The following ANGPTL4 variants were observed in gnomAD, a reference collection of about 807,000 sequenced individuals.
ANGPTL4 encodes angiopoietin like 4.
Under a neutral mutation model 39.2 loss-of-function variants are expected in ANGPTL4, and 39 were observed. The ratio of observed to expected loss-of-function variants is 1.00; its 90% confidence interval spans 0.77 to 1.30. ANGPTL4 has a LOEUF of 1.30. Among genes scored for constraint, ANGPTL4 ranks in the 50% most tolerant of loss-of-function variants. The pLI, the probability that ANGPTL4 is intolerant of heterozygous loss-of-function variation, is 0.00. For missense variants in ANGPTL4, 545 were observed against 549.8 expected, an observed-to-expected ratio of 0.99 and a Z score of 0.09; for synonymous variants, 233 against 229.5, an observed-to-expected ratio of 1.02 and a Z score of -0.14.
chr19:8,370,511 A>G (rs1293296433), intron 4 of ANGPTL4, among the ~76,000 whole-genome samples: 3 of 151,698 alleles, frequency 2.0e-5, no homozygotes, highest in East Asian at 2.0e-4. Context: ...TCAGAAGTTC[A>G]AGACCAGCCT....
chr19:8,364,638 A>G lies in ANGPTL4; in HGVS notation c.317A>G (p.Gln106Arg), dbSNP rs1415730124. 1.9e-6 allele frequency: 3 copies of G among 1,587,372 alleles called. No individual in the cohort carries two copies. The highest frequency in any genetic ancestry group is 1.3e-5 in the African/African-American group (1 of 74,384). ...RVDPEVLHSL[Q>R]TQLKAQNSRI... ...GACCCTGAGGTCCTTCACAGCCTGC[A>G]GGTACGTGTCCCCAGGGCTGGTTCT... Residue 106 changes from glutamine (Q) to arginine (R), a missense_variant and splice_region_variant, in exon 1 of 7, where the codon CAG (glutamine) becomes CGG (arginine). Coordinates refer to ENST00000301455, the MANE Select transcript of ANGPTL4 (RefSeq NM_139314.3).
chr19:8,373,890 C>T lies in ANGPTL4; in HGVS notation c.*4C>T. 2 of 1,612,736 alleles carry T rather than the reference C, an allele frequency of 1.2e-6. No individual in the cohort carries two copies. The highest frequency in any genetic ancestry group is 8.5e-7 in the Non-Finnish European group (1 of 1,179,918). On this transcript the variant is annotated 3_prime_UTR_variant, in exon 7 of 7. Transcript: ENST00000301455. ...GGCAGCAGAGGCAGCCTCCTAGCGT[C>T]CTGGCTGGGCCTGGTCCCAGGCCCA...
chr19:8,366,156 C>T (rs745874949), intron 2 of ANGPTL4, 46 bp from the exon 3 acceptor site: 9 of 1,610,278 alleles, frequency 5.6e-6, no homozygotes, highest in East Asian at 4.5e-5. Context: ...TGGCTGGGGA[C>T]GTGGGGCCAG....
chr19:8,371,255 G>A lies in ANGPTL4; in HGVS notation c.772G>A (p.Gly258Ser). 6.2e-7 allele frequency: 1 copy of A among 1,614,068 alleles called. No individual in the cohort carries two copies. Among genetic ancestry groups the A allele is most frequent in the Non-Finnish European group, 8.5e-7 (1 of 1,180,024 alleles). The part of the protein sequence containing the change: ...FGDPHGEFWL[G>S]LEKVHSITGD... ...TCCCACTCCAGGCGAGTTCTGGCTGGGTCTGGAGAAGGTGCATAGCATCAC... is the reference window on the plus strand; with the variant it reads ...TCCCACTCCAGGCGAGTTCTGGCTGAGTCTGGAGAAGGTGCATAGCATCAC... Residue 258 changes from glycine (G) to serine (S), a missense_variant, in exon 6 of 7, where the codon GGT becomes AGT. Transcript: ENST00000301455. The surrounding 1 kb of genome is among the most constrained non-coding windows in gnomAD (Gnocchi z 5.1).
chr19:8,373,544 C>G (rs1162683709), intron 6 of ANGPTL4, 161 bp from the exon 7 acceptor site: 7 of 346,594 alleles, frequency 2.0e-5, no homozygotes, highest in Non-Finnish European at 2.8e-5. Flanking sequence ...GCACTCCAGC[C>G]TGGGTGACAG....
intron 6 of ANGPTL4, among the ~76,000 whole-genome samples, chr19:8,373,411 A>G (rs1835904395): frequency 6.6e-6 from 1 of 151,982 alleles, no homozygotes; most frequent in Admixed American, 6.6e-5. Flanking sequence ...CTCAAAAAAA[A>G]AGACCAAAAA....
Position 8,373,792 on chromosome 19 carries a change from A to G in ANGPTL4, c.1127A>G (p.Lys376Arg). ...SIPQQRQKLK[K>R]GIFWKTWRGR... ...CCACAGCAGCGGCAGAAGCTTAAGA[A>G]GGGAATCTTCTGGAAGACCTGGCGG... The change falls in exon 7 of 7, where the codon AAG (lysine) becomes AGG (arginine). Residue 376 changes from lysine to arginine, a missense_variant. By Grantham distance (26) the Lys-to-Arg change is conservative (BLOSUM62 2). Coordinates refer to ENST00000301455, the MANE Select transcript of ANGPTL4 (RefSeq NM_139314.3). The G allele has an allele frequency of 6.2e-7, 1 of 1,614,070 alleles. No homozygotes were observed. The highest frequency in any genetic ancestry group is 2.2e-5 in the East Asian group (1 of 44,872).
rs376010695 is a variant in ANGPTL4 at position 8,368,715 on chromosome 19, G to A, written c.548-504G>A. On this transcript the variant is annotated intron_variant, in intron 3 of 6. Transcript: ENST00000301455. ...TCTACAAATAATGCAAAAACTAGTCGGGCGTGGTGGCACATGCCTGTAGTC... is the reference window on the plus strand; with the variant it reads ...TCTACAAATAATGCAAAAACTAGTCAGGCGTGGTGGCACATGCCTGTAGTC... 7.9e-4 allele frequency among the ~76,000 whole-genome samples: 121 copies of A among 152,278 alleles called. 1 individual carries two copies. Among genetic ancestry groups the A allele is most frequent in the African/African-American group, 2.8e-3 (115 of 41,544 alleles).
At chr19:8,370,570 C>T (rs1971094556) in intron 4 of ANGPTL4, among the ~76,000 whole-genome samples, 2 of 151,824 alleles carry the variant, frequency 1.3e-5, no homozygotes, top group African/African-American at 2.4e-5. Context: ...ATTAGCCGGG[C>T]GTGCCTGTGA....
In ANGPTL4 at chr19:8,372,638, C is replaced by CA. The variant is rs1462497691; in HGVS notation, c.1040-1061dup. 3.3e-5 allele frequency among the ~76,000 whole-genome samples: 5 copies of CA among 151,560 alleles called. No individual in the cohort carries two copies. In the East Asian group the frequency reaches 7.9e-4, roughly 24 times the overall value. On this transcript the variant is annotated intron_variant, in intron 6 of 6. Coordinates refer to ENST00000301455, the MANE Select transcript of ANGPTL4 (RefSeq NM_139314.3). ...CGAAATCCTGTCTCAATTAAAAATA[C>CA]AAAAAACTAGCTGGGCATGGTGGTG...
At chr19:8,366,886 C>A (rs1422748469) in intron 3 of ANGPTL4, among the ~76,000 whole-genome samples, 2 of 150,526 alleles carry the variant, frequency 1.3e-5, no homozygotes, top group African/African-American at 4.9e-5. Flanking sequence ...CCGCCCCCGC[C>A]GGCCCCCTCC....
At chr19:8,373,503 G>A (rs200231114) in intron 6 of ANGPTL4, 1 of 177,114 alleles carries the variant, frequency 5.6e-6, no homozygotes, top group Non-Finnish European at 1.1e-5. Context: ...CCTGAGAGAC[G>A]GAGGTTGCAG....
intron 4 of ANGPTL4, among the ~76,000 whole-genome samples, chr19:8,370,654 T>G (rs998167994): frequency 3.4e-5 from 5 of 147,580 alleles, no homozygotes; most frequent in African/African-American, 1.3e-4. Context: ...GAGCTGAGAT[T>G]GCGGCACTGC....
intron 3 of ANGPTL4, among the ~76,000 whole-genome samples, chr19:8,368,375 G>A (rs34592831): frequency 0.02 from 2,983 of 152,298 alleles, 31 homozygotes; most frequent in South Asian, 0.049. Flanking sequence ...GCCAGGCTGT[G>A]GGCAGAGCTG....
Position 8,371,516 on chromosome 19 carries a change from C to G in ANGPTL4, c.1033C>G (p.Leu345Val), listed in dbSNP as rs768868188. Residue 345 changes from leucine to valine, a missense_variant, in exon 6 of 7, where the codon CTC becomes GTC. Transcript: ENST00000301455. This position sits in a 1 kb window ranked among gnomAD's most constrained non-coding sequence, Gnocchi z 5.1. ...CAGGGACAAGAACTGCGCCAAGAGCCTCTCTGGTGAGCAGGCCCTGCCATG... is the reference window on the plus strand; with the variant it reads ...CAGGGACAAGAACTGCGCCAAGAGCGTCTCTGGTGAGCAGGCCCTGCCATG... ...LRRDKNCAKS[L>V]SGGWWFGTCS... 1.9e-6 allele frequency: 3 copies of G among 1,612,782 alleles called. No individual in the cohort carries two copies. The highest frequency in any genetic ancestry group is 1.1e-5 in the South Asian group (1 of 91,084).
At chr19:8,369,355 G>A (rs1233447968) in intron 4 of ANGPTL4, 23 bp downstream of exon 4, 1 of 1,576,514 alleles carries the variant, frequency 6.3e-7, no homozygotes, top group East Asian at 2.2e-5. Flanking sequence ...AGTCCACCAG[G>A]GGCCCCTCTC....
rs1971187631 is a variant in ANGPTL4 at position 8,374,184 on chromosome 19, G to A, written c.*298G>A. ...TGGGGACTCAGAGGGACCACTTGGGGCCAGCCAGACTGGCCTCAATGGCGG... is the reference window on the plus strand; with the variant it reads ...TGGGGACTCAGAGGGACCACTTGGGACCAGCCAGACTGGCCTCAATGGCGG... On this transcript the variant is annotated 3_prime_UTR_variant, in exon 7 of 7. Transcript: ENST00000301455. 1 of 416,172 alleles carries A rather than the reference G, an allele frequency of 2.4e-6. No homozygotes were observed. 25.8% of individuals were successfully genotyped at this position (416,172 alleles called of 1,614,324 possible).
chr19:8,364,231 A>AC lies in ANGPTL4; in HGVS notation c.-86dup. The AC allele has an allele frequency of 7.4e-7, 1 of 1,352,754 alleles. No individual in the cohort carries two copies. The highest frequency in any genetic ancestry group is 1.0e-6 in the Non-Finnish European group (1 of 1,001,786). 83.8% of individuals were successfully genotyped at this position (1,352,754 alleles called of 1,614,324 possible). ...CGGCTTCTGCAACCAAGCGGGTCTT[A>AC]CCCCCGGTCCTCCGCGTCTCCAGTC... On this transcript the variant is annotated 5_prime_UTR_variant, in exon 1 of 7. Coordinates refer to ENST00000301455, the MANE Select transcript of ANGPTL4 (RefSeq NM_139314.3).
rs1191703556 is a variant in ANGPTL4 at position 8,371,268 on chromosome 19, T to C, written c.785T>C (p.Val262Ala). ...GAGTTCTGGCTGGGTCTGGAGAAGG[T>C]GCATAGCATCACGGGGGACCGCAAC... The part of the protein sequence containing the change: ...HGEFWLGLEK[V>A]HSITGDRNSR... The change falls in exon 6 of 7, where the codon GTG (valine) becomes GCG (alanine). Residue 262 changes from valine to alanine, a missense_variant. Physicochemically the swap from Val to Ala is moderately conservative, Grantham distance 64 (BLOSUM62 0). Coordinates refer to ENST00000301455, the MANE Select transcript of ANGPTL4 (RefSeq NM_139314.3). The surrounding 1 kb of genome is among the most constrained non-coding windows in gnomAD (Gnocchi z 5.1). 1 of 1,613,926 alleles carries C rather than the reference T, an allele frequency of 6.2e-7. No individual in the cohort carries two copies.
Sources: allele counts gnomAD v4.1 joint callset (sites outside exome capture counted in the v4.1 genomes callset), GRCh38; gene constraint gnomAD v4.1.1; non-coding constraint Gnocchi (gnomAD v3.1); transcripts MANE v1.5; gene names NCBI Gene and HGNC (gene_info 2026-07-23, HGNC 2026-07-21).